Variants in PACRG observed in about 807,000 individuals in gnomAD.
PACRG encodes parkin coregulated gene protein.
PACRG carries 29 observed loss-of-function variants against 29.7 expected under a neutral mutation model. That is an observed-to-expected ratio of 0.98 (90% CI 0.73 to 1.33). The LOEUF (loss-of-function observed/expected upper bound fraction) is 1.33, where lower values mean the gene tolerates loss of function less well. Among genes scored for constraint, PACRG ranks in the 40% most tolerant of loss-of-function variants. The pLI, the probability that PACRG is intolerant of heterozygous loss-of-function variation, is 0.00. For synonymous variants in PACRG, 116 were observed against 118.7 expected (o/e 0.98, Z 0.15); for missense variants, 279 against 316.2 (o/e 0.88, Z 0.89).
intron 4 of PACRG, among the ~76,000 whole-genome samples, chr6:163,306,575 C>T (rs1785204589): frequency 6.6e-6 from 1 of 152,166 alleles, no homozygotes; most frequent in Non-Finnish European, 1.5e-5. Context: ...TATAGACTTA[C>T]TGAAATAGCA....
intron 2 of PACRG, among the ~76,000 whole-genome samples, chr6:162,883,694 G>GTA (rs1794091516): frequency 7.0e-6 from 1 of 143,696 alleles, no homozygotes; most frequent in Non-Finnish European, 1.5e-5. Context: ...CTGTGTGTGT[G>GTA]TGTGTGTGTG....
At chr6:163,024,996 C>G (rs1278353805) in intron 2 of PACRG, among the ~76,000 whole-genome samples, 1 of 152,182 alleles carries the variant, frequency 6.6e-6, no homozygotes, top group Non-Finnish European at 1.5e-5. Flanking sequence ...ATATGGTTAT[C>G]TCAATAGATG....
chr6:162,997,204 A>G (rs1187267124), intron 2 of PACRG, among the ~76,000 whole-genome samples: 1 of 152,218 alleles, frequency 6.6e-6, no homozygotes, highest in African/African-American at 2.4e-5. Context: ...TTTAATTTCA[A>G]GAAAATATAG....
chr6:163,044,194 G>A (rs549024066), intron 2 of PACRG, among the ~76,000 whole-genome samples: 7 of 146,268 alleles, frequency 4.8e-5, no homozygotes, highest in Admixed American at 2.1e-4. Context: ...TTTGAGACAG[G>A]GTCTCACTCT....
At chr6:162,998,549 CTT>C (rs1186417431) in intron 2 of PACRG, among the ~76,000 whole-genome samples, 1 of 152,202 alleles carries the variant, frequency 6.6e-6, no homozygotes, top group Non-Finnish European at 1.5e-5. Flanking sequence ...ACGTAGAAGT[CTT>C]TGTCCATTCT....
At chr6:163,000,316 A>G (rs1015794239) in intron 2 of PACRG, among the ~76,000 whole-genome samples, 7 of 152,092 alleles carry the variant, frequency 4.6e-5, no homozygotes, top group African/African-American at 1.4e-4. Flanking sequence ...TTCTTGCTGC[A>G]TTTTCTGTTT....
intron 2 of PACRG, among the ~76,000 whole-genome samples, chr6:162,916,794 C>T (rs911359407): frequency 1.3e-5 from 2 of 151,982 alleles, no homozygotes; most frequent in Non-Finnish European, 2.9e-5. Context: ...TCAAACAAAG[C>T]AAGATCTCAC....
At chr6:163,018,757 GA>G (rs1562836107) in intron 2 of PACRG, among the ~76,000 whole-genome samples, 1 of 150,410 alleles carries the variant, frequency 6.6e-6, no homozygotes, top group Non-Finnish European at 1.5e-5. Context: ...GTCTTTTGGG[GA>G]GGGAGTTGTC....
At chr6:163,019,442 A>T (rs1269355382) in intron 2 of PACRG, among the ~76,000 whole-genome samples, 1 of 151,884 alleles carries the variant, frequency 6.6e-6, no homozygotes, top group Non-Finnish European at 1.5e-5. Context: ...CTCGATTTGG[A>T]TTTTATCCCT....
Position 162,728,102 on chromosome 6 carries a change from G to A in PACRG, c.-134G>A, listed in dbSNP as rs1013566116. The A allele has an allele frequency of 5.6e-6, 6 of 1,069,514 alleles. No individual in the cohort carries two copies. The highest frequency in any genetic ancestry group is 8.2e-6 in the Non-Finnish European group (6 of 734,596). 66.3% of individuals were successfully genotyped at this position (1,069,514 alleles called of 1,614,324 possible). On this transcript the variant is annotated 5_prime_UTR_variant, in exon 1 of 5. Transcript: ENST00000366888. ...AGCTGCCAAACATCTGGATCAACCT[G>A]GGCACTACGAGGGGTTGAATTTCTA...
intron 2 of PACRG, among the ~76,000 whole-genome samples, chr6:162,915,090 C>G (rs74409043): frequency 0.014 from 2,062 of 151,804 alleles, 18 homozygotes; most frequent in Non-Finnish European, 0.022. Flanking sequence ...TCACCTTGTC[C>G]TCCATCTCAA....
At chr6:162,760,001 T>TA (rs949212485) in intron 1 of PACRG, among the ~76,000 whole-genome samples, 2 of 152,168 alleles carry the variant, frequency 1.3e-5, no homozygotes. Context: ...TGGCTTCAAG[T>TA]AAAGTTGAGC....
intron 4 of PACRG, chr6:163,312,815 C>T (rs1259173490): frequency 2.3e-5 from 10 of 433,798 alleles, no homozygotes; most frequent in Non-Finnish European, 4.1e-5. Context: ...TGCAGTGGCG[C>T]GATCATGGCT....
chr6:162,968,907 C>A (rs1012028434), intron 2 of PACRG, among the ~76,000 whole-genome samples: 1 of 151,756 alleles, frequency 6.6e-6, no homozygotes, highest in East Asian at 1.9e-4. Flanking sequence ...ATTAGCTGGG[C>A]GTGGTGGCGG....
chr6:163,112,914 C>G (rs1267220040), intron 4 of PACRG, among the ~76,000 whole-genome samples: 1 of 152,082 alleles, frequency 6.6e-6, no homozygotes, highest in African/African-American at 2.4e-5. Flanking sequence ...CCCTAAGAAA[C>G]AACAGATAGT....
At chr6:162,787,580 G>GTATCTATATATATATATATATATA (rs746185048) in intron 1 of PACRG, among the ~76,000 whole-genome samples, 1 of 69,178 alleles carries the variant, frequency 1.4e-5, no homozygotes, top group Admixed American at 1.6e-4. Context: ...GTGTGTGTGT[G>GTATCTATATATATATATATATATA]TGTATATATA....
intron 2 of PACRG, among the ~76,000 whole-genome samples, chr6:162,893,276 G>A (rs910144880): frequency 3.9e-5 from 6 of 152,118 alleles, no homozygotes; most frequent in Admixed American, 6.5e-5. Context: ...TTAACTTACC[G>A]AGAAATTTTT....
rs553768659 is a variant in PACRG at position 162,760,515 on chromosome 6, T to C, written c.156+32124T>C. On this transcript the variant is annotated intron_variant, in intron 1 of 4. Coordinates refer to ENST00000366888, the MANE Select transcript of PACRG (RefSeq NM_001080379.2). ...TCAGGGAAATAGGAAAGAACCAGGG[T>C]ACCAAGAGACTTGTGAGCCAAACTA... is the stretch of plus-strand genomic sequence containing the variant. Among the ~76,000 whole-genome samples the C allele has an allele frequency of 2.8e-4, 42 of 152,184 alleles. 2 individuals carry two copies. The South Asian group carries it at 6.0e-3, about 22-fold the overall frequency.
intron 2 of PACRG, among the ~76,000 whole-genome samples, chr6:163,008,995 A>G (rs1805378309): frequency 6.6e-6 from 1 of 152,088 alleles, no homozygotes; most frequent in East Asian, 1.9e-4. Flanking sequence ...GGAGGTGACA[A>G]TTTGCTTTCT....
Sources: allele counts gnomAD v4.1 joint callset (sites outside exome capture counted in the v4.1 genomes callset), GRCh38; gene constraint gnomAD v4.1.1; transcripts MANE v1.5; gene names NCBI Gene and HGNC (gene_info 2026-07-23, HGNC 2026-07-21).